L1CAM: variants seen among roughly 807,000 people sequenced by gnomAD.
L1CAM encodes the protein neural cell adhesion molecule L1.
A neutral mutation model predicts 93.0 loss-of-function variants in L1CAM; 8 were observed. The observed-to-expected ratio is 0.09, with a 90% CI of 0.05 to 0.16. The LOEUF is 0.16. Ranked by LOEUF, L1CAM falls within the 10% of genes least tolerant of loss-of-function variation. L1CAM has a pLI of 1.00. For synonymous variants in L1CAM, 453 were observed against 453.0 expected (o/e 1.00, Z 0.00); for missense variants, 777 against 1,073.4 (o/e 0.72, Z 3.86).
rs781814457 is a variant in L1CAM at position 153,870,833 on chromosome X, C to T, written c.651G>A (p.Arg217=). ...CAATGGGTTCCTTCTGAATGATGGTCCTGGTGCCTGGGAAGTGGGCGTGGC... is the reference window on the plus strand; with the variant it reads ...CAATGGGTTCCTTCTGAATGATGGTTCTGGTGCCTGGGAAGTGGGCGTGGC... ...YICHAHFPGT[R]TIIQKEPIDL... Residue 217 remains arginine (R), a synonymous_variant, in exon 7 of 29, where the codon AGG becomes AGA. Coordinates refer to ENST00000370060, the MANE Select transcript of L1CAM (RefSeq NM_001278116.2). 2.5e-6 allele frequency: 3 copies of T among 1,209,276 alleles called. No homozygotes were observed. The highest frequency in any genetic ancestry group is 1.8e-5 in the African/African-American group (1 of 56,972).
At chrX:153,880,565 G>A in intron 1 of L1CAM, 1 of 327,618 alleles carries the variant, frequency 3.1e-6, no homozygotes, top group South Asian at 2.7e-5. Flanking sequence ...GGGAGCCTGG[G>A]GGGCTTCTGT....
At chrX:153,864,281 A>G (rs2064690952) in intron 25 of L1CAM, 41 bp downstream of exon 25, 1 of 1,199,000 alleles carries the variant, frequency 8.3e-7, no homozygotes. Context: ...TGCAGCCCCC[A>G]TGCTTCCCTG....
Position 153,865,281 on chromosome X carries a change from G to A in L1CAM, c.2749+18C>T, listed in dbSNP as rs201341092. 226 of 1,207,133 alleles carry A rather than the reference G, an allele frequency of 1.9e-4. No individual in the cohort carries two copies. Among genetic ancestry groups the A allele is most frequent in the Non-Finnish European group, 2.3e-4 (205 of 893,632 alleles). On this transcript the variant is annotated intron_variant, in intron 21 of 28. Coordinates refer to ENST00000370060, the MANE Select transcript of L1CAM (RefSeq NM_001278116.2). ...TGGGGAGGAGGGCAGGGGATGAGGC[G>A]TGGGGTGCAGGACTCACCTCCCTCT...
chrX:153,883,405 C>T (rs2064856936), intron 1 of L1CAM, among the ~76,000 whole-genome samples: 1 of 98,871 alleles, frequency 1.0e-5, no homozygotes, highest in African/African-American at 4.1e-5. Flanking sequence ...GGGTGGGGCA[C>T]AGGGAGACGT....
At chrX:153,867,954 G>A (rs1557091578) in intron 15 of L1CAM, 44 bp from the exon 16 acceptor site, 12 of 1,210,588 alleles carry the variant, frequency 9.9e-6, no homozygotes, top group Non-Finnish European at 1.3e-5. Flanking sequence ...CCAGGGATGT[G>A]AGCCCCGGCC....
At chrX:153,879,115 C>T (rs1271527887) in intron 1 of L1CAM, among the ~76,000 whole-genome samples, 1 of 111,220 alleles carries the variant, frequency 9.0e-6, no homozygotes, top group Non-Finnish European at 1.9e-5. Context: ...AGGCCCTCTA[C>T]CCCCCACCAG....
chrX:153,870,339 G>T lies in L1CAM; in HGVS notation c.806+49C>A, dbSNP rs781830960. The T allele has an allele frequency of 5.9e-6, 7 of 1,182,325 alleles. No homozygotes were observed. In the Admixed American group the frequency reaches 1.5e-4, roughly 26 times the overall value. ...GCGGTGGTCTGAGCTCCCTGCTAGGGCTCCGCCACCCTGCCCTGCCCTGCC... is the reference window on the plus strand; with the variant it reads ...GCGGTGGTCTGAGCTCCCTGCTAGGTCTCCGCCACCCTGCCCTGCCCTGCC... On this transcript the variant is annotated intron_variant, in intron 8 of 28. Transcript: ENST00000370060.
At chrX:153,872,024 GTGGGGTGGAGGGC>G in intron 5 of L1CAM, 115 bp downstream of exon 5, 1 of 533,501 alleles carries the variant, frequency 1.9e-6, no homozygotes. Flanking sequence ...AGAAGCTGGG[GTGGGGTGGAGGGC>G]TGGCAGGACA....
chrX:153,879,883 G>A (rs1557095385), intron 1 of L1CAM, among the ~76,000 whole-genome samples: 1 of 112,230 alleles, frequency 8.9e-6, no homozygotes, highest in African/African-American at 3.2e-5. Flanking sequence ...ACGCACATGT[G>A]TTAGGCCAAG....
Position 153,865,339 on chromosome X carries a change from C to T in L1CAM, c.2709G>A (p.Ser903=), listed in dbSNP as rs146224667. ...LEVQAFNGRG[S]GPASEFTFST... Reference sequence around the variant, plus strand: ...TGAAGGTGAACTCGCTGGCGGGCCCCGATCCTCGCCCGTTAAAGGCCTGCA... The same window carrying T: ...TGAAGGTGAACTCGCTGGCGGGCCCTGATCCTCGCCCGTTAAAGGCCTGCA... Residue 903 remains serine (S), a synonymous_variant, in exon 21 of 29, where the codon TCG becomes TCA. Transcript: ENST00000370060. The T allele has an allele frequency of 2.6e-5, 32 of 1,209,237 alleles. No individual in the cohort carries two copies. The highest frequency in any genetic ancestry group is 2.3e-4 in the Middle Eastern group (1 of 4,351).
intron 5 of L1CAM, 120 bp downstream of exon 5, chrX:153,872,032 G>C (rs1418800408): frequency 5.3e-6 from 3 of 564,774 alleles, no homozygotes; most frequent in South Asian, 5.0e-5. Context: ...GGGTGGGGTG[G>C]AGGGCTGGCA....
In L1CAM at chrX:153,870,801, C is replaced by T. The variant is rs369149142; in HGVS notation, c.683G>A (p.Arg228Gln). The T allele has an allele frequency of 5.0e-6, 6 of 1,206,949 alleles. No homozygotes were observed. The highest frequency in any genetic ancestry group is 6.7e-6 in the Non-Finnish European group (6 of 892,836). ...CCTCTGAGACTCACTGGCCTTGACC[C>T]GGAGGTCAATGGGTTCCTTCTGAAT... The part of the protein sequence containing the change: ...TIIQKEPIDL[R>Q]VKATNSMIDR... The change falls in exon 7 of 29, where the codon CGG (arginine) becomes CAG (glutamine). Residue 228 changes from arginine to glutamine, a missense_variant. Transcript: ENST00000370060.
Position 153,872,082 on chromosome X carries a change from G to C in L1CAM, c.400+70C>G, listed in dbSNP as rs1488141774. 5.3e-6 allele frequency: 5 copies of C among 950,101 alleles called. No homozygotes were observed. In the East Asian group the frequency reaches 1.2e-4, roughly 24 times the overall value. The allele number at this position is 950,101 out of a possible 1,213,427, so 78.3% of individuals were successfully genotyped here. A position where few individuals can be genotyped will look rare whatever the true frequency, so the allele number is the denominator to read the frequency against. On this transcript the variant is annotated intron_variant, in intron 5 of 28. Transcript: ENST00000370060. ...CTCGCCACGAGACAACTGGCTGACA[G>C]CAGCTTCCAGCCCACAATCCCACAC...
intron 2 of L1CAM, among the ~76,000 whole-genome samples, chrX:153,873,801 G>C (rs1232210678): frequency 8.9e-6 from 1 of 112,626 alleles, no homozygotes; most frequent in Admixed American, 9.3e-5. Context: ...CATAGCCTGC[G>C]GGGTTGGCGC....
Position 153,868,895 on chromosome X carries a change from C to T in L1CAM, c.1325G>A (p.Ser442Asn), listed in dbSNP as rs1557092073. 24 of 1,211,875 alleles carry T rather than the reference C, an allele frequency of 2.0e-5. 1 individual carries two copies. The highest frequency in any genetic ancestry group is 2.2e-5 in the Non-Finnish European group (20 of 895,320). ...GGCCTTGCACAGAAGGTAGGCAGTG[C>T]TGCCCTGGACAGCCATGTACGTCTG... ...DNQTYMAVQGSTAYLLCKAFG... is the reference protein window; with the variant it reads ...DNQTYMAVQGNTAYLLCKAFG... The change falls in exon 12 of 29, where the codon AGC becomes AAC. Residue 442 changes from serine (S) to asparagine (N), a missense_variant. Around this residue, in one of 5 missense-constraint regions of L1CAM, gnomAD observed 574 missense variants for 781.0 expected, o/e 0.73. Coordinates refer to ENST00000370060, the MANE Select transcript of L1CAM (RefSeq NM_001278116.2).
rs142862041 is a variant in L1CAM at position 153,872,888 on chromosome X, G to A, written c.92-191C>T. On this transcript the variant is annotated intron_variant, in intron 3 of 28. Coordinates refer to ENST00000370060, the MANE Select transcript of L1CAM (RefSeq NM_001278116.2). ...AAAGAGGGAGAGAGGGGACAGCCAC[G>A]TAAGTTACAAAGAGATGCCTGAGAA... 8.8e-4 allele frequency: 409 copies of A among 467,094 alleles called. 3 individuals are homozygous for A. Among genetic ancestry groups the A allele is most frequent in the African/African-American group, 8.6e-3 (354 of 41,345 alleles). 38.5% of individuals were successfully genotyped at this position (467,094 alleles called of 1,213,427 possible).
chrX:153,879,506 G>A (rs1273221512), intron 1 of L1CAM, among the ~76,000 whole-genome samples: 2 of 112,193 alleles, frequency 1.8e-5, no homozygotes, highest in Non-Finnish European at 3.8e-5. Flanking sequence ...CAAGGGGCGG[G>A]GAGGAGGGAA....
At chrX:153,881,181 C>T (rs2148505334) in intron 1 of L1CAM, among the ~76,000 whole-genome samples, 1 of 112,327 alleles carries the variant, frequency 8.9e-6, no homozygotes, top group African/African-American at 3.2e-5. Context: ...ATCTCCTCCC[C>T]AGATTTGCCT....
Position 153,871,132 on chromosome X carries a change from C to T in L1CAM, c.448G>A (p.Glu150Lys). 1 of 1,209,639 alleles carries T rather than the reference C, an allele frequency of 8.3e-7. No individual in the cohort carries two copies. The stretch of plus-strand genomic sequence containing the variant: ...CAAGGCAGAACCACTGACTCCCCTT[C>T]CTCCACCTCCACGGGCTTCACTGTC... ...KETVKPVEVE[E>K]GESVVLPCNP... Residue 150 changes from glutamate (E) to lysine (K), a missense_variant, in exon 6 of 29, where the codon GAA becomes AAA. Coordinates refer to ENST00000370060, the MANE Select transcript of L1CAM (RefSeq NM_001278116.2).
Sources: allele counts gnomAD v4.1 joint callset (sites outside exome capture counted in the v4.1 genomes callset), GRCh38; gene constraint gnomAD v4.1.1; regional missense constraint gnomAD v4.1.1; transcripts MANE v1.5; gene names NCBI Gene and HGNC (gene_info 2026-07-23, HGNC 2026-07-21).